The following ATP6V1E1 variants were observed in gnomAD, a reference collection of about 807,000 sequenced individuals.
ATP6V1E1 encodes the protein V-type proton ATPase subunit E 1.
ATP6V1E1 carries 21 observed loss-of-function variants against 35.2 expected under a neutral mutation model. That is an observed-to-expected ratio of 0.60 (90% CI 0.42 to 0.86). The LOEUF (loss-of-function observed/expected upper bound fraction) is 0.86. ATP6V1E1 is among the 40% of genes least tolerant of loss of function. The pLI, the probability that ATP6V1E1 is intolerant of heterozygous loss-of-function variation, is 0.00. For missense variants in ATP6V1E1, 183 were observed against 272.6 expected, an observed-to-expected ratio of 0.67 and a Z score of 2.32; for synonymous variants, 83 against 87.8, an observed-to-expected ratio of 0.95 and a Z score of 0.30.
intron 2 of ATP6V1E1, among the ~76,000 whole-genome samples, chr22:17,618,595 C>T (rs1374033991): frequency 6.2e-5 from 9 of 144,580 alleles, no homozygotes; most frequent in East Asian, 2.2e-4. Flanking sequence ...GGCAAGAGAA[C>T]GGTGTGAACC....
chr22:17,616,889 A>G (rs2057848635), intron 2 of ATP6V1E1, among the ~76,000 whole-genome samples: 1 of 115,754 alleles, frequency 8.6e-6, no homozygotes, highest in Non-Finnish European at 1.8e-5. Context: ...TCTACTAAAA[A>G]TACAAAAAAT....
chr22:17,609,977 C>T (rs1481144792), intron 4 of ATP6V1E1, among the ~76,000 whole-genome samples: 1 of 151,932 alleles, frequency 6.6e-6, no homozygotes, highest in African/African-American at 2.4e-5. Flanking sequence ...TCAAATTTTC[C>T]CTCTGAGGCC....
chr22:17,593,757 G>A (rs5992749), intron 8 of ATP6V1E1, among the ~76,000 whole-genome samples: 7,690 of 152,224 alleles, frequency 0.051, 297 homozygotes, highest in Middle Eastern at 0.12. Flanking sequence ...GAATAACTAG[G>A]TTGGCAGCCA....
intron 2 of ATP6V1E1, among the ~76,000 whole-genome samples, chr22:17,615,045 A>G (rs1305795357): frequency 1.3e-5 from 2 of 151,290 alleles, no homozygotes; most frequent in East Asian, 4.0e-4. Context: ...GCTCACGCCT[A>G]TAATCTCAGC....
chr22:17,601,220 T>C (rs1334299250), intron 4 of ATP6V1E1, 39 bp from the exon 5 acceptor site: 1 of 1,570,968 alleles, frequency 6.4e-7, no homozygotes, highest in Non-Finnish European at 8.7e-7. Context: ...TCTACACATC[T>C]GGGCAGTCGG....
chr22:17,608,855 G>C (rs2057799045), intron 4 of ATP6V1E1, among the ~76,000 whole-genome samples: 1 of 152,186 alleles, frequency 6.6e-6, no homozygotes, highest in Non-Finnish European at 1.5e-5. Context: ...GGGAGGCCGA[G>C]GCGGGCAGAT....
intron 6 of ATP6V1E1, among the ~76,000 whole-genome samples, 193 bp from the exon 7 acceptor site, chr22:17,598,481 G>A (rs141380727): frequency 5.3e-5 from 8 of 152,282 alleles, no homozygotes; most frequent in African/African-American, 1.9e-4. Context: ...GAAGAGATGC[G>A]AATGGTTTCT....
chr22:17,601,289 C>T, intron 4 of ATP6V1E1, 108 bp from the exon 5 acceptor site: 1 of 838,184 alleles, frequency 1.2e-6, no homozygotes, highest in Non-Finnish European at 1.9e-6. Flanking sequence ...CATTTTATTG[C>T]TGGATTTTCA....
At position 17,624,675 on chromosome 22, in the gene ATP6V1E1, T is replaced by C. The variant is rs150134197; in HGVS notation, c.33+3928A>G. 2.5e-3 allele frequency among the ~76,000 whole-genome samples: 371 copies of C among 150,684 alleles called. 2 individuals are homozygous for C. Among genetic ancestry groups the C allele is most frequent in the African/African-American group, 8.4e-3 (343 of 40,900 alleles). On this transcript the variant is annotated intron_variant, in intron 1 of 8. Transcript: ENST00000253413. ...GTGTACTAAAAATACAAAAAAATTA[T>C]CCGGGTGTGGTGACATACGCCTGTA...
chr22:17,618,989 G>A (rs1039687009), intron 2 of ATP6V1E1: 2 of 453,118 alleles, frequency 4.4e-6, no homozygotes, highest in African/African-American at 4.0e-5. Flanking sequence ...GACGAAGCGA[G>A]ACTGTCTCAA....
chr22:17,624,729 G>A (rs2057895217), intron 1 of ATP6V1E1, among the ~76,000 whole-genome samples: 1 of 151,958 alleles, frequency 6.6e-6, no homozygotes, highest in Non-Finnish European at 1.5e-5. Context: ...GCTGAGACAG[G>A]AGAATCGCTT....
rs545510398 is a variant in ATP6V1E1, at chr22:17,599,883, G to A, written c.435+144C>T. On this transcript the variant is annotated intron_variant, in intron 6 of 8. Coordinates refer to ENST00000253413, the MANE Select transcript of ATP6V1E1 (RefSeq NM_001696.4). ...GAGGTTACAGGTGAGTGGAGATCCC[G>A]CCATTGCACTCCATCCTGGACAACA... 1.1e-3 allele frequency: 744 copies of A among 649,924 alleles called. 6 individuals are homozygous for A. The African/African-American group carries it at 0.012, about 11-fold the overall frequency. The allele number at this position is 649,924 out of a possible 1,614,324, so 40.3% of individuals were successfully genotyped here.
chr22:17,621,197 GTTTCTAA>G (rs1252854951), intron 1 of ATP6V1E1, among the ~76,000 whole-genome samples: 1 of 151,534 alleles, frequency 6.6e-6, no homozygotes, highest in Non-Finnish European at 1.5e-5. Flanking sequence ...TATTCTTGTT[GTTTCTAA>G]TCGACTCTAC....
chr22:17,609,712 G>A (rs1239677936), intron 4 of ATP6V1E1, among the ~76,000 whole-genome samples: 4 of 144,558 alleles, frequency 2.8e-5, no homozygotes, highest in African/African-American at 1.0e-4. Flanking sequence ...CTCGTGATCC[G>A]CCCGCCTCGG....
At chr22:17,615,334 A>T (rs1910803373) in intron 2 of ATP6V1E1, among the ~76,000 whole-genome samples, 1 of 151,946 alleles carries the variant, frequency 6.6e-6, no homozygotes, top group Non-Finnish European at 1.5e-5. Flanking sequence ...CATAAATTTT[A>T]TTATACATTA....
At position 17,600,161 on chromosome 22, in the gene ATP6V1E1, A is replaced by G. The variant is rs2057755467; in HGVS notation, c.367-66T>C. On this transcript the variant is annotated intron_variant, in intron 5 of 8. Coordinates refer to ENST00000253413, the MANE Select transcript of ATP6V1E1 (RefSeq NM_001696.4). Reference sequence around the variant, plus strand: ...TATAAAATAAAGAAACAGGTCGGGCACAGTGGCTCAGGTCTGTAATCCTAA... The same window carrying G: ...TATAAAATAAAGAAACAGGTCGGGCGCAGTGGCTCAGGTCTGTAATCCTAA... The G allele has an allele frequency of 6.9e-6, 10 of 1,439,334 alleles. No homozygotes were observed. In the Admixed American group the frequency reaches 1.7e-4, roughly 24 times the overall value. 89.2% of individuals were successfully genotyped at this position (1,439,334 alleles called of 1,614,324 possible).
At chr22:17,614,114 G>A (rs534857780) in intron 2 of ATP6V1E1, among the ~76,000 whole-genome samples, 2 of 152,306 alleles carry the variant, frequency 1.3e-5, no homozygotes, top group African/African-American at 4.8e-5. Context: ...ACTTTGGGAG[G>A]CCAAGGCAGA....
chr22:17,618,681 C>CAAAAAAAAAAAA (rs796136446), intron 2 of ATP6V1E1, among the ~76,000 whole-genome samples: 8 of 72,408 alleles, frequency 1.1e-4, no homozygotes, highest in East Asian at 6.8e-4. Flanking sequence ...GACTCCATCT[C>CAAAAAAAAAAAA]AAAAAAAAAA....
chr22:17,622,098 G>T (rs1274454713), intron 1 of ATP6V1E1, among the ~76,000 whole-genome samples: 1 of 152,202 alleles, frequency 6.6e-6, no homozygotes, highest in Non-Finnish European at 1.5e-5. Flanking sequence ...CTCACTGGTT[G>T]TGGGATGCAA....
Sources: gnomAD v4.1 joint callset for allele counts (sites outside exome capture counted in the v4.1 genomes callset) on GRCh38, gnomAD v4.1.1 for gene constraint, MANE v1.5 for transcripts, NCBI Gene and HGNC (gene_info 2026-07-23, HGNC 2026-07-21) for gene names.